The following CLEC18A variants were observed in gnomAD, a reference collection of about 807,000 sequenced individuals.
CLEC18A encodes the protein C-type lectin domain family 18 member A, also known as mannose receptor-like 1.
Under a neutral mutation model 24.0 loss-of-function variants are expected in CLEC18A, and 5 were observed. That is an observed-to-expected ratio of 0.21 (90% CI 0.11 to 0.44). The LOEUF (loss-of-function observed/expected upper bound fraction) is 0.44, where lower values mean the gene tolerates loss of function less well. Among genes scored for constraint, CLEC18A ranks in the 20% least tolerant of loss-of-function variants. The pLI is 0.99. For missense variants in CLEC18A, 83 were observed against 233.4 expected (o/e 0.36, Z 4.20); for synonymous variants, 29 against 100.1 (o/e 0.29, Z 4.24).
chr16:69,964,860 G>A (rs1368001184), downstream of CLEC18A, among the ~76,000 whole-genome samples: 1 of 152,000 alleles, frequency 6.6e-6, no homozygotes, highest in African/African-American at 2.4e-5. Flanking sequence ...GGAGTGCAGG[G>A]GTGCAATCGG....
chr16:69,956,131 C>T, intron 3 of CLEC18A, among the ~76,000 whole-genome samples: 1 of 149,306 alleles, frequency 6.7e-6, no homozygotes, highest in Admixed American at 6.6e-5. Flanking sequence ...CCTGTAGTTC[C>T]AGCTACTTGG....
chr16:69,946,667 G>A (rs143067487), upstream of CLEC18A, among the ~76,000 whole-genome samples: 3,118 of 150,324 alleles, frequency 0.021, 96 homozygotes, highest in African/African-American at 0.071. Context: ...GTCTCGGAAA[G>A]TGCTGGGATT....
intron 3 of CLEC18A, among the ~76,000 whole-genome samples, chr16:69,954,909 A>T (rs55862211): frequency 4.0e-5 from 6 of 151,716 alleles, no homozygotes; most frequent in East Asian, 1.9e-4. Flanking sequence ...CATGTTGGCC[A>T]GGTTGGTCTT....
downstream of CLEC18A, among the ~76,000 whole-genome samples, chr16:69,964,850 G>A (rs2152022562): frequency 6.6e-6 from 1 of 152,094 alleles, no homozygotes; most frequent in East Asian, 1.9e-4. Flanking sequence ...CGTACAGGCT[G>A]GAGTGCAGGG....
At chr16:69,944,523 G>T in the CLEC18A span, among the ~76,000 whole-genome samples, 31 of 151,552 alleles carry the variant, frequency 2.0e-4, no homozygotes, top group South Asian at 1.0e-3. Context: ...CTGGGCAACA[G>T]AGTGAGACCC....
chr16:69,944,893 C>T, the CLEC18A span, among the ~76,000 whole-genome samples: 4 of 126,870 alleles, frequency 3.2e-5, no homozygotes, highest in Admixed American at 7.7e-5. Flanking sequence ...GTAATGCCAG[C>T]GCTTTGGGAG....
Position 69,963,768 on chromosome 16 carries a change from C to G in CLEC18A, c.*157C>G. ...ATGCCAGAAGTTGGGCAGAGAGAGGCAGGGAGGCCAGTGAGGGCCAGGGAG... is the reference window on the plus strand; with the variant it reads ...ATGCCAGAAGTTGGGCAGAGAGAGGGAGGGAGGCCAGTGAGGGCCAGGGAG... On this transcript the variant is annotated 3_prime_UTR_variant, in exon 12 of 12. Coordinates refer to ENST00000288040, the MANE Select transcript of CLEC18A (RefSeq NM_001370523.4). 1 of 695,982 alleles carries G rather than the reference C, an allele frequency of 1.4e-6. No homozygotes were observed. The highest frequency in any genetic ancestry group is 1.9e-5 in the South Asian group (1 of 53,644). The allele number at this position is 695,982 out of a possible 1,614,324, so 43.1% of individuals were successfully genotyped here. A position where few individuals can be genotyped will look rare whatever the true frequency, so the allele number is the denominator to read the frequency against.
At chr16:69,944,207 A>C in the CLEC18A span, among the ~76,000 whole-genome samples, 2 of 133,882 alleles carry the variant, frequency 1.5e-5, no homozygotes, top group Admixed American at 7.7e-5. Context: ...GAAGCAGGAG[A>C]ATCGCTTGAA....
chr16:69,944,692 C>T, the CLEC18A span, among the ~76,000 whole-genome samples: 12 of 148,836 alleles, frequency 8.1e-5, no homozygotes, highest in Admixed American at 4.7e-4. Context: ...AAAAGTTAGC[C>T]GGGTGTGGTG....
At chr16:69,953,905 T>C in intron 2 of CLEC18A, 1 of 302,684 alleles carries the variant, frequency 3.3e-6, no homozygotes, top group South Asian at 3.5e-5. Flanking sequence ...GGCAGGAGAC[T>C]AGGGCAGAGA....
At chr16:69,965,651 AG>A (rs1185542269), downstream of CLEC18A, among the ~76,000 whole-genome samples, 39 of 146,230 alleles carry the variant, frequency 2.7e-4, no homozygotes, top group South Asian at 7.2e-3. Context: ...CCTGCTCCCG[AG>A]GGGGTCCGCA....
At chr16:69,965,214 C>T (rs1184071021), downstream of CLEC18A, among the ~76,000 whole-genome samples, 12 of 151,862 alleles carry the variant, frequency 7.9e-5, no homozygotes, top group African/African-American at 9.7e-5. Flanking sequence ...CACAGATGCC[C>T]CCAGCTCTCT....
chr16:69,944,849 A>C, the CLEC18A span, among the ~76,000 whole-genome samples: 5 of 115,862 alleles, frequency 4.3e-5, 1 homozygote, highest in African/African-American at 2.0e-4. Flanking sequence ...AAAAAGAAAA[A>C]AAAGAATAGG....
chr16:69,945,358 G>T, the CLEC18A span, among the ~76,000 whole-genome samples: 4 of 152,056 alleles, frequency 2.6e-5, no homozygotes, highest in Admixed American at 2.6e-4. Context: ...TATATGTCTT[G>T]TCCTTTTTCC....
chr16:69,950,180 A>G (rs376046755), upstream of CLEC18A, among the ~76,000 whole-genome samples: 76 of 124,426 alleles, frequency 6.1e-4, 13 homozygotes, highest in East Asian at 0.015. Flanking sequence ...CGATAGCCAC[A>G]TTCCACTGGT....
rs1209378073 is a variant in CLEC18A at position 69,951,920 on chromosome 16, A to AC, written c.125-113dup. On this transcript the variant is annotated intron_variant, in intron 1 of 11. Transcript: ENST00000288040. ...GCTATGCCCCACGTCCCCTGCACCC[A>AC]CCACACTCCTCTCCCATCTTGTTTT... 1.2e-5 allele frequency: 5 copies of AC among 418,464 alleles called. No homozygotes were observed. In the East Asian group the frequency reaches 2.6e-4, roughly 22 times the overall value. 25.9% of individuals were successfully genotyped at this position (418,464 alleles called of 1,614,324 possible). A position where few individuals can be genotyped will look rare whatever the true frequency, so the allele number is the denominator to read the frequency against.
downstream of CLEC18A, among the ~76,000 whole-genome samples, chr16:69,964,839 T>G (rs1172809574): frequency 5.9e-5 from 9 of 151,924 alleles, no homozygotes. Flanking sequence ...TCTCGCTTTG[T>G]CGTACAGGCT....
intron 3 of CLEC18A, among the ~76,000 whole-genome samples, chr16:69,956,796 G>GCAGTGGTGCGATCACA (rs1394253818): frequency 7.6e-6 from 1 of 132,210 alleles, no homozygotes; most frequent in African/African-American, 3.0e-5. Context: ...AGGCCAGAGT[G>GCAGTGGTGCGATCACA]CAGTGGTGCG....
intron 3 of CLEC18A, among the ~76,000 whole-genome samples, chr16:69,956,521 A>T (rs2059038286): frequency 9.4e-6 from 1 of 106,648 alleles, no homozygotes; most frequent in Admixed American, 9.8e-5. Context: ...ACACCCGGCT[A>T]TTTTTTTGTA....
Sources: allele counts gnomAD v4.1 joint callset (sites outside exome capture counted in the v4.1 genomes callset), GRCh38; gene constraint gnomAD v4.1.1; transcripts MANE v1.5; gene names NCBI Gene and HGNC (gene_info 2026-07-23, HGNC 2026-07-21).